GDPD5: variants seen among roughly 807,000 people sequenced by gnomAD.
GDPD5 encodes glycerophosphodiester phosphodiesterase domain containing 5, also known as glycerophosphodiester phosphodiesterase 2.
GDPD5 carries 48 observed loss-of-function variants against 75.1 expected under a neutral mutation model. That is an observed-to-expected ratio of 0.64 (90% CI 0.51 to 0.81). The LOEUF (loss-of-function observed/expected upper bound fraction) is 0.81. GDPD5 is among the 40% of genes least tolerant of loss of function. The probability of loss-of-function intolerance (pLI) is 0.00; values close to 1 mark genes in which losing one functional copy is unlikely to be tolerated. For missense variants in GDPD5, 706 were observed against 822.6 expected, an observed-to-expected ratio of 0.86 and a Z score of 1.73; for synonymous variants, 336 against 339.0, an observed-to-expected ratio of 0.99 and a Z score of 0.10.
At chr11:75,491,490 C>T (rs1293896288) in intron 1 of GDPD5, among the ~76,000 whole-genome samples, 1 of 152,164 alleles carries the variant, frequency 6.6e-6, no homozygotes, top group Non-Finnish European at 1.5e-5. Context: ...TGGTCTGACT[C>T]AGTTAAGTCT....
chr11:75,459,638 G>A (rs542748408), intron 4 of GDPD5, among the ~76,000 whole-genome samples: 6 of 152,028 alleles, frequency 3.9e-5, no homozygotes, highest in South Asian at 4.2e-4. Flanking sequence ...GTGAAACCCC[G>A]TCTCTACTAA....
At chr11:75,498,973 T>C (rs1394186399) in intron 1 of GDPD5, among the ~76,000 whole-genome samples, 1 of 152,172 alleles carries the variant, frequency 6.6e-6, no homozygotes, top group Non-Finnish European at 1.5e-5. Context: ...GGAGCTTGGC[T>C]GGAAATAGCC....
intron 9 of GDPD5, among the ~76,000 whole-genome samples, chr11:75,445,110 G>A (rs1401201775): frequency 6.6e-6 from 1 of 152,136 alleles, no homozygotes. Context: ...TACACAGTAA[G>A]TGCTTAATAA....
At chr11:75,442,801 A>G (rs1454772317) in intron 11 of GDPD5, 7 of 606,150 alleles carry the variant, frequency 1.2e-5, no homozygotes, top group Non-Finnish European at 2.0e-5. Context: ...GCTTGCTTGG[A>G]ATCGCTCCCA....
intron 1 of GDPD5, among the ~76,000 whole-genome samples, chr11:75,519,642 C>T (rs541981620): frequency 6.6e-6 from 1 of 152,138 alleles, no homozygotes; most frequent in Non-Finnish European, 1.5e-5. Flanking sequence ...CTGTAATTAT[C>T]CCCATTTTAC....
intron 1 of GDPD5, among the ~76,000 whole-genome samples, chr11:75,509,429 G>C (rs1950469290): frequency 6.6e-6 from 1 of 152,246 alleles, no homozygotes; most frequent in African/African-American, 2.4e-5. Context: ...GGGGCAGCTT[G>C]CACAGAGAAC....
At chr11:75,447,896 C>T (rs1949029473) in intron 9 of GDPD5, among the ~76,000 whole-genome samples, 1 of 152,220 alleles carries the variant, frequency 6.6e-6, no homozygotes, top group Admixed American at 6.5e-5. Context: ...TGTGGCCAAA[C>T]TGGACACCAG....
At chr11:75,475,695 A>T (rs958054010) in intron 3 of GDPD5, among the ~76,000 whole-genome samples, 2 of 152,162 alleles carry the variant, frequency 1.3e-5, no homozygotes, top group Non-Finnish European at 2.9e-5. Flanking sequence ...TTCAGCTGTG[A>T]GTTTGGGGTC....
At position 75,477,742 on chromosome 11, in the gene GDPD5, G is replaced by T; in HGVS notation, c.-7C>A. ...GGGGCTGGTGTCTCACCATACTCGT[G>T]CCCACGGCCCTGGCGCCTGGCCCTC... is the stretch of plus-strand genomic sequence containing the variant. On this transcript the variant is annotated 5_prime_UTR_variant, in exon 3 of 17. Transcript: ENST00000336898. The T allele has an allele frequency of 6.5e-7, 1 of 1,549,838 alleles. No individual in the cohort carries two copies.
chr11:75,457,481 G>A (rs954962315), intron 5 of GDPD5, among the ~76,000 whole-genome samples: 18 of 152,224 alleles, frequency 1.2e-4, no homozygotes, highest in African/African-American at 4.3e-4. Context: ...CTGATTAGTC[G>A]CTATTATAAA....
chr11:75,442,910 C>G, intron 11 of GDPD5: 1 of 624,504 alleles, frequency 1.6e-6, no homozygotes, highest in Non-Finnish European at 2.8e-6. Context: ...GCTCTCATCC[C>G]TGTCAACCTT....
chr11:75,439,826 C>A (rs1948735972), intron 15 of GDPD5, 53 bp downstream of exon 15: 2 of 1,437,332 alleles, frequency 1.4e-6, no homozygotes, highest in South Asian at 2.3e-5. Flanking sequence ...GGGGTGGGGG[C>A]TGGGCCTGCT....
intron 3 of GDPD5, among the ~76,000 whole-genome samples, chr11:75,472,609 G>A (rs924392474): frequency 5.9e-5 from 9 of 152,112 alleles, no homozygotes; most frequent in Admixed American, 1.3e-4. Context: ...GCACATGTAC[G>A]CCTACATTCT....
chr11:75,473,840 G>A (rs1793415), intron 3 of GDPD5, among the ~76,000 whole-genome samples: 7 of 152,108 alleles, frequency 4.6e-5, no homozygotes, highest in South Asian at 4.1e-4. Context: ...AGGCCAGCTC[G>A]GGCAAGCCTT....
chr11:75,442,732 G>T (rs1334337800), intron 11 of GDPD5, 151 bp from the exon 12 acceptor site: 2 of 678,774 alleles, frequency 2.9e-6, no homozygotes, highest in Non-Finnish European at 5.0e-6. Context: ...GGAGGCTGTA[G>T]GAGGCCCCAG....
At position 75,462,999 on chromosome 11, in the gene GDPD5, G is replaced by C. The variant is rs1479182777; in HGVS notation, c.118-110C>G. On this transcript the variant is annotated intron_variant, in intron 3 of 16. Transcript: ENST00000336898. ...CCCACTTTGTAGCCAAACCTGCCAG[G>C]CAGGAATTCCTGCCCTCTTTACCCT... 3 of 838,190 alleles carry C rather than the reference G, an allele frequency of 3.6e-6. No individual in the cohort carries two copies. In the East Asian group the frequency reaches 8.1e-5, roughly 23 times the overall value. 51.9% of individuals were successfully genotyped at this position (838,190 alleles called of 1,614,324 possible).
intron 1 of GDPD5, among the ~76,000 whole-genome samples, chr11:75,523,156 A>C (rs537039349): frequency 6.6e-6 from 1 of 152,302 alleles, no homozygotes; most frequent in South Asian, 2.1e-4. Flanking sequence ...AGCTCATTTA[A>C]TCCTCGCAAC....
chr11:75,512,281 GACACACACAC>G (rs145862089), intron 1 of GDPD5, among the ~76,000 whole-genome samples: 6,128 of 123,150 alleles, frequency 0.05, 219 homozygotes, highest in East Asian at 0.11. Context: ...AATTGGGAAG[GACACACACAC>G]ACACACACAC....
In GDPD5 at chr11:75,437,492, T is replaced by C. The variant is rs80074004; in HGVS notation, c.1557-444A>G. The C allele has an allele frequency of 6.6e-3, 1,060 of 161,096 alleles. 16 individuals carry two copies. The highest frequency in any genetic ancestry group is 0.022 in the African/African-American group (925 of 41,732). 10.0% of individuals were successfully genotyped at this position (161,096 alleles called of 1,614,324 possible). ...ATCATGACCAGACTAAGTGAAGCCA[T>C]TGGGGAGACCCCTTGAGAGGGAGGG... On this transcript the variant is annotated intron_variant, in intron 15 of 16. Coordinates refer to ENST00000336898, the MANE Select transcript of GDPD5 (RefSeq NM_030792.8).
Sources: gnomAD v4.1 joint callset for allele counts (sites outside exome capture counted in the v4.1 genomes callset) on GRCh38, gnomAD v4.1.1 for gene constraint, MANE v1.5 for transcripts, NCBI Gene and HGNC (gene_info 2026-07-23, HGNC 2026-07-21) for gene names.